Variants in AGBL2 observed in about 807,000 individuals in gnomAD.
AGBL2 encodes the protein cytosolic carboxypeptidase 2.
Under a neutral mutation model 103.0 loss-of-function variants are expected in AGBL2, and 87 were observed. That is an observed-to-expected ratio of 0.84 (90% CI 0.71 to 1.01). The LOEUF is 1.01. Among genes scored for constraint, AGBL2 ranks in the 50% least tolerant of loss-of-function variants. The pLI, the probability that AGBL2 is intolerant of heterozygous loss-of-function variation, is 0.00. For missense variants in AGBL2, 904 were observed against 1,023.5 expected (o/e 0.88, Z 1.59); for synonymous variants, 335 against 356.7 (o/e 0.94, Z 0.69).
At chr11:47,678,594 A>G (rs1476891681) in intron 13 of AGBL2, among the ~76,000 whole-genome samples, 5 of 151,284 alleles carry the variant, frequency 3.3e-5, no homozygotes, top group Non-Finnish European at 7.4e-5. Flanking sequence ...TTAGCCTCCC[A>G]AAGTGCTGGG....
chr11:47,659,913 G>A lies in AGBL2; in HGVS notation c.*260C>T, dbSNP rs1344979151. The A allele has an allele frequency of 1.7e-5, 6 of 346,204 alleles. No homozygotes were observed. The highest frequency in any genetic ancestry group is 1.4e-4 in the Admixed American group (3 of 21,976). The allele number at this position is 346,204 out of a possible 1,614,324, so 21.4% of individuals were successfully genotyped here. A position where few individuals can be genotyped will look rare whatever the true frequency, so the allele number is the denominator to read the frequency against. On this transcript the variant is annotated 3_prime_UTR_variant, in exon 19 of 19. Coordinates refer to ENST00000525123, the MANE Select transcript of AGBL2 (RefSeq NM_024783.4). ...TGTGCTGCCATGAAGTGTGCCATGAGAACACACTTCAGTTTCTGATAAAGC... is the reference window on the plus strand; with the variant it reads ...TGTGCTGCCATGAAGTGTGCCATGAAAACACACTTCAGTTTCTGATAAAGC...
At chr11:47,691,955 G>T in intron 9 of AGBL2, 148 bp downstream of exon 9, 1 of 628,356 alleles carries the variant, frequency 1.6e-6, no homozygotes, top group Non-Finnish European at 2.5e-6. Context: ...GGGAAAAAAT[G>T]AGTAATAATT....
chr11:47,663,244 C>G, intron 17 of AGBL2, 132 bp from the exon 18 acceptor site: 1 of 619,704 alleles, frequency 1.6e-6, no homozygotes, highest in Non-Finnish European at 2.7e-6. Flanking sequence ...AAAGGACAGG[C>G]AAAACATAAT....
At chr11:47,697,620 AC>A (rs2097480934) in intron 8 of AGBL2, among the ~76,000 whole-genome samples, 1 of 128,546 alleles carries the variant, frequency 7.8e-6, no homozygotes, top group African/African-American at 3.1e-5. Flanking sequence ...ATCTTGGCTC[AC>A]TGCAAGCTGT....
intron 8 of AGBL2, among the ~76,000 whole-genome samples, chr11:47,696,101 G>A (rs1329795280): frequency 6.8e-6 from 1 of 146,428 alleles, no homozygotes; most frequent in African/African-American, 2.5e-5. Flanking sequence ...TGGAGGCTGA[G>A]GAACAAATCG....
At chr11:47,681,914 C>G (rs1003314013) in intron 12 of AGBL2, 55 bp downstream of exon 12, 1 of 1,588,246 alleles carries the variant, frequency 6.3e-7, no homozygotes, top group African/African-American at 1.4e-5. Context: ...CTCCCTGATG[C>G]TTTGCTTGGA....
intron 14 of AGBL2, among the ~76,000 whole-genome samples, chr11:47,675,272 G>A (rs572483407): frequency 7.1e-6 from 1 of 141,546 alleles, no homozygotes; most frequent in South Asian, 2.4e-4. Flanking sequence ...ACACTAGCGC[G>A]GCCATACCTC....
In AGBL2 at chr11:47,690,705, T is replaced by C; in HGVS notation, c.1002A>G (p.Val334=). The C allele has an allele frequency of 6.2e-7, 1 of 1,614,110 alleles. No homozygotes were observed. ...NLLKPKSLYT[V]GMKPLLYSQL... ...GGGAGTACAAGAGTGGCTTCATCCC[T>C]ACAGTATAAAGACTCTTGGGTTTTA... The change falls in exon 10 of 19, where the codon GTA becomes GTG. Residue 334 remains valine, a synonymous_variant. Coordinates refer to ENST00000525123, the MANE Select transcript of AGBL2 (RefSeq NM_024783.4).
intron 17 of AGBL2, 143 bp from the exon 18 acceptor site, chr11:47,663,255 T>G: frequency 1.7e-6 from 1 of 601,238 alleles, no homozygotes; most frequent in Non-Finnish European, 2.8e-6. Flanking sequence ...AAAACATAAT[T>G]CAAAGAAGGA....
chr11:47,712,393 AAGTT>A, intron 3 of AGBL2, among the ~76,000 whole-genome samples: 1 of 152,214 alleles, frequency 6.6e-6, no homozygotes, highest in East Asian at 1.9e-4. Flanking sequence ...ACCAGTAACA[AAGTT>A]AGGAAATTAA....
intron 1 of AGBL2, 38 bp from the exon 2 acceptor site, chr11:47,714,788 A>C: frequency 1.1e-6 from 1 of 874,574 alleles, no homozygotes; most frequent in Non-Finnish European, 1.9e-6. Flanking sequence ...AAAACTGCCA[A>C]TACCTCCCCG....
intron 11 of AGBL2, among the ~76,000 whole-genome samples, chr11:47,683,061 AAGAG>A (rs2153803763): frequency 6.6e-6 from 1 of 152,176 alleles, no homozygotes; most frequent in African/African-American, 2.4e-5. Flanking sequence ...GAAAAGAAAA[AAGAG>A]AAGAGAAGAG....
At chr11:47,698,943 G>A (rs1327817684) in intron 8 of AGBL2, among the ~76,000 whole-genome samples, 1 of 141,254 alleles carries the variant, frequency 7.1e-6, no homozygotes, top group East Asian at 2.1e-4. Context: ...TAAAAAGAAT[G>A]TGTATGACTT....
At chr11:47,708,040 C>T (rs1189675348) in intron 4 of AGBL2, among the ~76,000 whole-genome samples, 1 of 151,912 alleles carries the variant, frequency 6.6e-6, no homozygotes, top group Admixed American at 6.6e-5. Flanking sequence ...GCTGAGACTA[C>T]AGCCATTTGC....
intron 8 of AGBL2, among the ~76,000 whole-genome samples, chr11:47,697,039 C>T (rs1291645051): frequency 6.6e-6 from 1 of 151,954 alleles, no homozygotes; most frequent in Non-Finnish European, 1.5e-5. Context: ...TGCAATTCCC[C>T]TGCCTCAGCC....
intron 7 of AGBL2, among the ~76,000 whole-genome samples, chr11:47,702,517 C>T (rs1242412325): frequency 2.0e-5 from 3 of 152,122 alleles, no homozygotes; most frequent in African/African-American, 7.2e-5. Flanking sequence ...TCTCTAGCAC[C>T]AAGCACTGTA....
At chr11:47,684,212 G>T (rs1302854300) in intron 11 of AGBL2, among the ~76,000 whole-genome samples, 1 of 152,052 alleles carries the variant, frequency 6.6e-6, no homozygotes, top group African/African-American at 2.4e-5. Context: ...GGCGGAGGTT[G>T]CAGTGAGTGG....
intron 12 of AGBL2, 101 bp from the exon 13 acceptor site, chr11:47,680,174 A>T: frequency 1.4e-6 from 1 of 739,428 alleles, no homozygotes; most frequent in Non-Finnish European, 2.1e-6. Context: ...ACCACTGGCC[A>T]GGCGGGGTGG....
At chr11:47,689,548 G>A (rs1341177407) in intron 10 of AGBL2, among the ~76,000 whole-genome samples, 4 of 151,736 alleles carry the variant, frequency 2.6e-5, no homozygotes, top group African/African-American at 9.7e-5. Flanking sequence ...CAGGTAATCC[G>A]CCCACTTCAG....
Sources: allele counts gnomAD v4.1 joint callset (sites outside exome capture counted in the v4.1 genomes callset), GRCh38; gene constraint gnomAD v4.1.1; transcripts MANE v1.5; gene names NCBI Gene and HGNC (gene_info 2026-07-23, HGNC 2026-07-21).